C12orf42: variants seen among roughly 807,000 people sequenced by gnomAD.
C12orf42 encodes the protein chromosome 12 open reading frame 42.
Under a neutral mutation model 21.6 loss-of-function variants are expected in C12orf42, and 25 were observed. The observed-to-expected ratio is 1.16, with a 90% confidence interval of 0.84 to 1.62. C12orf42 has a LOEUF of 1.62. Among genes scored for constraint, C12orf42 ranks in the 40% most tolerant of loss-of-function variants. C12orf42 has a pLI of 0.00. For missense variants in C12orf42, 483 were observed against 459.3 expected, an observed-to-expected ratio of 1.05 and a Z score of -0.47; for synonymous variants, 174 against 175.0, an observed-to-expected ratio of 0.99 and a Z score of 0.05.
At chr12:103,308,086 C>T (rs1176559293) in intron 4 of C12orf42, among the ~76,000 whole-genome samples, 1 of 152,176 alleles carries the variant, frequency 6.6e-6, no homozygotes, top group Non-Finnish European at 1.5e-5. Flanking sequence ...GTTTACTCTG[C>T]CTCAGTTTCT....
the C12orf42 span, among the ~76,000 whole-genome samples, chr12:103,204,875 A>G: frequency 6.6e-6 from 1 of 152,190 alleles, no homozygotes; most frequent in Non-Finnish European, 1.5e-5. Context: ...ACCTATTTAC[A>G]ATATTGATAC....
the C12orf42 span, among the ~76,000 whole-genome samples, chr12:103,550,859 A>T: frequency 1.3e-5 from 2 of 152,072 alleles, no homozygotes; most frequent in Non-Finnish European, 2.9e-5. Context: ...TAATTTACAC[A>T]TTATGGATAT....
At chr12:103,360,037 T>A (rs971065776) in intron 4 of C12orf42, among the ~76,000 whole-genome samples, 5 of 151,356 alleles carry the variant, frequency 3.3e-5, no homozygotes, top group Admixed American at 1.3e-4. Flanking sequence ...ACTTAGATGA[T>A]TGTAATAGCT....
At chr12:103,198,189 G>A in the C12orf42 span, among the ~76,000 whole-genome samples, 1 of 152,188 alleles carries the variant, frequency 6.6e-6, no homozygotes, top group South Asian at 2.1e-4. Flanking sequence ...AGTAGGGGAT[G>A]GCCGTGGGTG....
intron 5 of C12orf42, chr12:103,273,806 G>C (rs2035604053): frequency 2.2e-6 from 1 of 456,016 alleles, no homozygotes; most frequent in Non-Finnish European, 4.4e-6. Context: ...TGACTTCATG[G>C]GTCTGAGTCA....
At chr12:103,096,325 TA>T in the C12orf42 span, among the ~76,000 whole-genome samples, 3 of 152,222 alleles carry the variant, frequency 2.0e-5, no homozygotes, top group African/African-American at 7.2e-5. Context: ...AATTTAGGTG[TA>T]TTTTTTATTA....
the C12orf42 span, among the ~76,000 whole-genome samples, chr12:103,054,426 T>C: frequency 6.6e-6 from 1 of 151,900 alleles, no homozygotes; most frequent in Admixed American, 6.6e-5. Context: ...TTAATGCTTA[T>C]TTTATATCCT....
At chr12:103,177,475 C>T in the C12orf42 span, among the ~76,000 whole-genome samples, 1 of 152,162 alleles carries the variant, frequency 6.6e-6, no homozygotes, top group African/African-American at 2.4e-5. Context: ...ATGTAAGGGA[C>T]CCCAAGGAAC....
chr12:103,120,553 G>T, the C12orf42 span, among the ~76,000 whole-genome samples: 1 of 152,152 alleles, frequency 6.6e-6, no homozygotes, highest in Non-Finnish European at 1.5e-5. Flanking sequence ...TATGTCAATT[G>T]CTTGACTTAA....
At chr12:103,386,787 C>T (rs563797817) in intron 3 of C12orf42, among the ~76,000 whole-genome samples, 1 of 152,294 alleles carries the variant, frequency 6.6e-6, no homozygotes, top group Admixed American at 6.5e-5. Flanking sequence ...GGACTGTTGA[C>T]CGAGACTCCA....
the C12orf42 span, among the ~76,000 whole-genome samples, chr12:103,501,482 G>T: frequency 3.3e-5 from 5 of 152,194 alleles, no homozygotes; most frequent in Non-Finnish European, 5.9e-5. Flanking sequence ...GTTAGTGAGC[G>T]CAGAGTTGGG....
At chr12:103,143,271 C>A in the C12orf42 span, among the ~76,000 whole-genome samples, 1 of 152,202 alleles carries the variant, frequency 6.6e-6, no homozygotes, top group East Asian at 1.9e-4. Context: ...GAGTTCAATG[C>A]TCACTAAATG....
intron 2 of C12orf42, among the ~76,000 whole-genome samples, chr12:103,452,317 C>T (rs1952000181): frequency 6.6e-6 from 1 of 152,002 alleles, no homozygotes; most frequent in Admixed American, 6.6e-5. Context: ...CACTAGCACA[C>T]CATCACTTCC....
chr12:103,380,479 G>A (rs530074225), intron 3 of C12orf42, among the ~76,000 whole-genome samples: 4 of 152,066 alleles, frequency 2.6e-5, no homozygotes, highest in South Asian at 2.1e-4. Context: ...AAGTAATGTC[G>A]GTAAGTATCA....
chr12:103,357,116 G>C (rs1159016883), intron 4 of C12orf42, among the ~76,000 whole-genome samples: 1 of 141,508 alleles, frequency 7.1e-6, no homozygotes, highest in Non-Finnish European at 1.5e-5. Context: ...ATGGACACAG[G>C]AAGGGGAACA....
At chr12:103,275,145 T>A (rs1593259778) in intron 5 of C12orf42, among the ~76,000 whole-genome samples, 1 of 152,098 alleles carries the variant, frequency 6.6e-6, no homozygotes, top group East Asian at 1.9e-4. Context: ...CAACCTGAGG[T>A]TGATAACTCA....
intron 2 of C12orf42, among the ~76,000 whole-genome samples, chr12:103,441,191 A>G (rs1951218449): frequency 6.6e-6 from 1 of 152,034 alleles, no homozygotes; most frequent in African/African-American, 2.4e-5. Flanking sequence ...CCCTTCCCCA[A>G]CCCAAGCATA....
Position 103,486,520 on chromosome 12 carries a change from A to T in C12orf42, c.-21-8073T>A, listed in dbSNP as rs992726054. 3.9e-5 allele frequency among the ~76,000 whole-genome samples: 6 copies of T among 152,226 alleles called. No homozygotes were observed. In the East Asian group the frequency reaches 1.2e-3, roughly 29 times the overall value. Reference sequence around the variant, plus strand: ...CCCTCTTTTTCTATTGATTGGAATAATTTCAGAAGGAATGGTACCAGTTCT... The same window carrying T: ...CCCTCTTTTTCTATTGATTGGAATATTTTCAGAAGGAATGGTACCAGTTCT... On this transcript the variant is annotated intron_variant, in intron 1 of 5. Transcript: ENST00000548883.
At chr12:103,153,859 T>G in the C12orf42 span, among the ~76,000 whole-genome samples, 1 of 151,950 alleles carries the variant, frequency 6.6e-6, no homozygotes, top group Non-Finnish European at 1.5e-5. Context: ...AGTACCAGAA[T>G]ATTTCATAGC....
Sources: allele counts gnomAD v4.1 joint callset (sites outside exome capture counted in the v4.1 genomes callset), GRCh38; gene constraint gnomAD v4.1.1; transcripts MANE v1.5; gene names NCBI Gene and HGNC (gene_info 2026-07-23, HGNC 2026-07-21).